Variants in LAMA2 observed in about 807,000 individuals in gnomAD.
LAMA2 encodes laminin subunit alpha 2, also known as laminin subunit alpha-2.
LAMA2 carries 269 observed loss-of-function variants against 364.8 expected under a neutral mutation model. The observed-to-expected ratio is 0.74, with a 90% CI of 0.67 to 0.82. The LOEUF is 0.82. Ranked by LOEUF, LAMA2 falls within the 40% of genes least tolerant of loss-of-function variation. The pLI is 0.00. For synonymous variants in LAMA2, 1,379 were observed against 1,370.6 expected, an observed-to-expected ratio of 1.01 and a Z score of -0.14; for missense variants, 3,807 against 3,873.2, an observed-to-expected ratio of 0.98 and a Z score of 0.45.
intron 12 of LAMA2, among the ~76,000 whole-genome samples, chr6:129,236,370 A>G (rs890758163): frequency 3.9e-5 from 6 of 152,194 alleles, no homozygotes; most frequent in Non-Finnish European, 5.9e-5. Context: ...AAAATGAAAC[A>G]TCTGGTTTCG....
At chr6:129,359,680 A>G (rs1447060569) in intron 32 of LAMA2, among the ~76,000 whole-genome samples, 1 of 130,252 alleles carries the variant, frequency 7.7e-6, no homozygotes, top group Non-Finnish European at 1.6e-5. Context: ...AAAAATGTGT[A>G]TTTACTCATT....
Position 129,446,189 on chromosome 6 carries a change from C to G in LAMA2, c.6429+368C>G, listed in dbSNP as rs144984394. 2.6e-3 allele frequency among the ~76,000 whole-genome samples: 399 copies of G among 151,582 alleles called. 1 individual carries two copies. Among genetic ancestry groups the G allele is most frequent in the African/African-American group, 9.3e-3 (384 of 41,328 alleles). On this transcript the variant is annotated intron_variant, in intron 45 of 64. Transcript: ENST00000421865. Reference sequence around the variant, plus strand: ...CTAAAAACAAACCAAAAAAAAAGGCCAACTAATGGGGTTATGGCAGGAATG... The same window carrying G: ...CTAAAAACAAACCAAAAAAAAAGGCGAACTAATGGGGTTATGGCAGGAATG...
chr6:129,019,971 G>C (rs551097411), intron 1 of LAMA2, among the ~76,000 whole-genome samples: 3 of 152,018 alleles, frequency 2.0e-5, no homozygotes, highest in Non-Finnish European at 4.4e-5. Flanking sequence ...TGTAATCCCA[G>C]CTACTCAGGA....
chr6:129,127,211 CTGAGATTTTGTGCCCTT>C (rs1185082101), intron 4 of LAMA2, among the ~76,000 whole-genome samples: 3 of 152,246 alleles, frequency 2.0e-5, no homozygotes, highest in Admixed American at 1.3e-4. Context: ...ATTCTTTTAA[CTGAGATTTTGTGCCCTT>C]TGACATAATC....
At chr6:129,319,860 C>T (rs1252634657) in intron 27 of LAMA2, among the ~76,000 whole-genome samples, 1 of 152,036 alleles carries the variant, frequency 6.6e-6, no homozygotes, top group Non-Finnish European at 1.5e-5. Context: ...GGGCTGGGCT[C>T]AGTGGCTCAT....
At position 129,190,556 on chromosome 6, in the gene LAMA2, G is replaced by A. The variant is rs73773697; in HGVS notation, c.1608+211G>A. 0.023 allele frequency among the ~76,000 whole-genome samples: 3,515 copies of A among 152,224 alleles called. 126 individuals are homozygous for A. The highest frequency in any genetic ancestry group is 0.08 in the African/African-American group (3,318 of 41,532). On this transcript the variant is annotated intron_variant, in intron 11 of 64. Transcript: ENST00000421865. ...ATATTGTGTAGACTGGAATTTCTTA[G>A]AATAGGTAGACATAGTCTTTTTAGT...
At chr6:128,964,495 A>C (rs188625249) in intron 1 of LAMA2, among the ~76,000 whole-genome samples, 1 of 152,022 alleles carries the variant, frequency 6.6e-6, no homozygotes, top group South Asian at 2.1e-4. Context: ...TTTGGCTCCA[A>C]TTTCATTCAT....
intron 9 of LAMA2, among the ~76,000 whole-genome samples, chr6:129,171,673 G>A (rs1176947776): frequency 1.4e-5 from 2 of 138,788 alleles, no homozygotes; most frequent in African/African-American, 2.7e-5. Context: ...TCTTCTCGAG[G>A]AGTATCTTTG....
chr6:129,060,523 G>A (rs920721851), intron 3 of LAMA2, among the ~76,000 whole-genome samples: 17 of 152,176 alleles, frequency 1.1e-4, no homozygotes, highest in Admixed American at 1.0e-3. Context: ...ATCAGGAATC[G>A]CCAGCACCTC....
chr6:129,019,366 CA>C (rs1207521554), intron 1 of LAMA2, among the ~76,000 whole-genome samples: 21 of 151,124 alleles, frequency 1.4e-4, no homozygotes, highest in Admixed American at 1.3e-3. Context: ...CTAATTTCTC[CA>C]GTCTACTTTT....
At chr6:129,063,395 A>T (rs1161208439) in intron 3 of LAMA2, among the ~76,000 whole-genome samples, 1 of 152,114 alleles carries the variant, frequency 6.6e-6, no homozygotes, top group Non-Finnish European at 1.5e-5. Context: ...ACCAGATTTC[A>T]CCAGAATATG....
intron 48 of LAMA2, among the ~76,000 whole-genome samples, chr6:129,458,714 A>G (rs1783095088): frequency 1.3e-5 from 2 of 151,976 alleles, no homozygotes; most frequent in Non-Finnish European, 2.9e-5. Context: ...AGCAGTGGGA[A>G]ATGTACATGT....
At chr6:129,161,841 T>G (rs2114987968) in intron 8 of LAMA2, among the ~76,000 whole-genome samples, 1 of 152,340 alleles carries the variant, frequency 6.6e-6, no homozygotes, top group Admixed American at 6.5e-5. Context: ...TTTATTCTTT[T>G]TTATGGCTGT....
chr6:129,108,089 A>T (rs1326286129), intron 4 of LAMA2, among the ~76,000 whole-genome samples: 8 of 150,684 alleles, frequency 5.3e-5, no homozygotes, highest in Non-Finnish European at 8.9e-5. Flanking sequence ...GGTTTTTTTA[A>T]CCTTCACTTT....
intron 4 of LAMA2, among the ~76,000 whole-genome samples, chr6:129,139,389 T>G (rs1777986017): frequency 6.6e-6 from 1 of 151,958 alleles, no homozygotes; most frequent in Non-Finnish European, 1.5e-5. Flanking sequence ...TGTGCAGACT[T>G]TTTTCTTGTC....
intron 20 of LAMA2, among the ~76,000 whole-genome samples, chr6:129,293,696 CAGGCTGAGCTGCAGA>C (rs1162618015): frequency 6.7e-5 from 1 of 15,020 alleles, no homozygotes; most frequent in Admixed American, 1.1e-3. Context: ...GAAGAGGTCC[CAGGCTGAGCTGCAGA>C]AGAGTAGGAG....
chr6:129,069,366 C>A lies in LAMA2; in HGVS notation c.396+9470C>A, dbSNP rs553834891. On this transcript the variant is annotated intron_variant, in intron 3 of 64. Coordinates refer to ENST00000421865, the MANE Select transcript of LAMA2 (RefSeq NM_000426.4). Reference sequence around the variant, plus strand: ...TTTAATTTTTTACTTACATATTATGCTTATGTATATCATATTTGTTATATA... The same window carrying A: ...TTTAATTTTTTACTTACATATTATGATTATGTATATCATATTTGTTATATA... 7.4e-5 allele frequency among the ~76,000 whole-genome samples: 11 copies of A among 148,504 alleles called. No homozygotes were observed. In the South Asian group the frequency reaches 1.1e-3, roughly 14 times the overall value.
chr6:128,890,231 G>A (rs906221696), intron 1 of LAMA2, among the ~76,000 whole-genome samples: 2 of 152,132 alleles, frequency 1.3e-5, no homozygotes, highest in African/African-American at 4.8e-5. Context: ...ACGTAGCAGA[G>A]CTGTTTAGTA....
intron 35 of LAMA2, among the ~76,000 whole-genome samples, chr6:129,386,249 A>G (rs2114661518): frequency 6.6e-6 from 1 of 152,234 alleles, no homozygotes; most frequent in Admixed American, 6.5e-5. Context: ...TATTGAAGTG[A>G]TAGTGCATAC....
Sources: gnomAD v4.1 joint callset for allele counts (sites outside exome capture counted in the v4.1 genomes callset) on GRCh38, gnomAD v4.1.1 for gene constraint, MANE v1.5 for transcripts, NCBI Gene and HGNC (gene_info 2026-07-23, HGNC 2026-07-21) for gene names.